ZNF207: variants seen among roughly 807,000 people sequenced by gnomAD.
The protein encoded by ZNF207 is BUB3-interacting and GLEBS motif-containing protein ZNF207.
ZNF207 carries 24 observed loss-of-function variants against 60.2 expected under a neutral mutation model. The observed-to-expected ratio is 0.40, with a 90% CI of 0.29 to 0.56. ZNF207 has a LOEUF of 0.56. Ranked by LOEUF, ZNF207 falls within the 20% of genes least tolerant of loss-of-function variation. The pLI is 0.49. For synonymous variants in ZNF207, 236 were observed against 194.7 expected (o/e 1.21, Z -1.77); for missense variants, 452 against 636.6 (o/e 0.71, Z 3.12).
intron 1 of ZNF207, chr17:32,351,460 C>T: frequency 7.1e-7 from 1 of 1,401,364 alleles, no homozygotes; most frequent in Non-Finnish European, 9.3e-7. Context: ...CTTTCCTGTC[C>T]TCAGTGTGCA....
At position 32,375,264 on chromosome 17, in the gene ZNF207, T is replaced by C. The variant is rs2047509470; in HGVS notation, c.*5505T>C. On this transcript the variant is annotated 3_prime_UTR_variant, in exon 12 of 12. Coordinates refer to ENST00000394670, the MANE Select transcript of ZNF207 (RefSeq NM_001098507.2). ...GTTGCTTCCATGACAAAATATCCCA[T>C]TGGACTATTTTATAACCTCAGTAAT... 6.6e-6 allele frequency: 1 copy of C among 152,324 alleles called. No homozygotes were observed. The highest frequency in any genetic ancestry group is 6.5e-5 in the Admixed American group (1 of 15,306). The allele number at this position is 152,324 out of a possible 1,614,324, so 9.4% of individuals were successfully genotyped here.
chr17:32,367,242 TA>T (rs1905212595), intron 9 of ZNF207, among the ~76,000 whole-genome samples: 7 of 43,870 alleles, frequency 1.6e-4, no homozygotes, highest in Middle Eastern at 9.8e-3. Flanking sequence ...GAGGGGATTA[TA>T]TATATATATA....
At chr17:32,353,629 A>G (rs1386025288) in intron 2 of ZNF207, among the ~76,000 whole-genome samples, 1 of 137,394 alleles carries the variant, frequency 7.3e-6, no homozygotes, top group Non-Finnish European at 1.5e-5. Context: ...AAATACCAAA[A>G]ATTAGCTGGG....
chr17:32,365,222 G>T, intron 7 of ZNF207, 108 bp from the exon 8 acceptor site: 7 of 1,221,048 alleles, frequency 5.7e-6, no homozygotes, highest in Non-Finnish European at 7.9e-6. Context: ...CTTGGATTTA[G>T]TCGAGTCATT....
intron 9 of ZNF207, 100 bp downstream of exon 9, chr17:32,366,857 G>T: frequency 9.0e-7 from 1 of 1,115,632 alleles, no homozygotes; most frequent in African/African-American, 1.6e-5. Context: ...AATATACTGT[G>T]TTTACTTTTT....
chr17:32,366,675 C>G lies in ZNF207; in HGVS notation c.839C>G (p.Pro280Arg). 6.2e-7 allele frequency: 1 copy of G among 1,607,734 alleles called. No homozygotes were observed. The highest frequency in any genetic ancestry group is 8.5e-7 in the Non-Finnish European group (1 of 1,178,022). ...TCTTTTATGCTACAGATGGGGACAC[C>G]TGTCACAAGCTCAAGTACAGCTTCA... is the stretch of plus-strand genomic sequence containing the variant. ...LFPSAGQMGT[P>R]VTSSSTASSN... The change falls in exon 9 of 12, where the codon CCT becomes CGT. Residue 280 changes from proline to arginine, a missense_variant. By Grantham distance (103) the Pro-to-Arg change is moderately radical (BLOSUM62 -2). Transcript: ENST00000394670.
chr17:32,351,386 T>A, intron 1 of ZNF207: 1 of 1,112,270 alleles, frequency 9.0e-7, no homozygotes, highest in South Asian at 1.8e-5. Context: ...CAGTTATTGC[T>A]ATCGTCTTCA....
chr17:32,369,153 G>A (rs1905344904), intron 10 of ZNF207, 142 bp from the exon 11 acceptor site: 1 of 854,222 alleles, frequency 1.2e-6, no homozygotes, highest in Non-Finnish European at 1.8e-6. Flanking sequence ...GGATTGGTTT[G>A]TCTGGCAAAA....
In ZNF207 at chr17:32,351,925, C is replaced by T. The variant is rs767567247; in HGVS notation, c.168+13C>T. ...TCATTGCATGCAGGTAAGGATTTTT[C>T]TTCTGTATTTATTGTCCGCTTGTGA... On this transcript the variant is annotated intron_variant, in intron 2 of 11. Transcript: ENST00000394670. 14 of 1,527,376 alleles carry T rather than the reference C, an allele frequency of 9.2e-6. No homozygotes were observed. Among genetic ancestry groups the T allele is most frequent in the African/African-American group, 4.2e-5 (3 of 71,508 alleles). 94.6% of individuals were successfully genotyped at this position (1,527,376 alleles called of 1,614,324 possible). A position where few individuals can be genotyped will look rare whatever the true frequency, so the allele number is the denominator to read the frequency against.
chr17:32,357,789 C>T (rs1461339976), intron 2 of ZNF207, among the ~76,000 whole-genome samples: 1 of 151,996 alleles, frequency 6.6e-6, no homozygotes, highest in Non-Finnish European at 1.5e-5. Flanking sequence ...GTGTGCACCA[C>T]CACGCCCTGC....
intron 7 of ZNF207, among the ~76,000 whole-genome samples, chr17:32,364,235 G>A (rs1347314954): frequency 6.6e-6 from 1 of 151,916 alleles, no homozygotes; most frequent in Non-Finnish European, 1.5e-5. Flanking sequence ...TACGTATTAT[G>A]CTGTGAGGGA....
At chr17:32,364,074 TCGTG>T (rs1905038726) in intron 7 of ZNF207, among the ~76,000 whole-genome samples, 1 of 151,556 alleles carries the variant, frequency 6.6e-6, no homozygotes. Context: ...GGTCTGATAC[TCGTG>T]CTGATGTGCC....
chr17:32,357,351 A>ATTATTTTTT (rs1363194053), intron 2 of ZNF207, among the ~76,000 whole-genome samples: 14 of 73,998 alleles, frequency 1.9e-4, no homozygotes, highest in African/African-American at 7.9e-4. Flanking sequence ...TATTATTATT[A>ATTATTTTTT]TTTTTTTTTT....
At chr17:32,363,278 G>A (rs921162327) in intron 7 of ZNF207, among the ~76,000 whole-genome samples, 2 of 151,896 alleles carry the variant, frequency 1.3e-5, no homozygotes, top group Non-Finnish European at 2.9e-5. Context: ...AGTAGAGACG[G>A]GGTTTTACCA....
intron 3 of ZNF207, among the ~76,000 whole-genome samples, chr17:32,360,189 A>C (rs1334419370): frequency 3.8e-5 from 5 of 133,012 alleles, no homozygotes; most frequent in African/African-American, 8.7e-5. Flanking sequence ...CCCCCCCCAA[A>C]AAAAAAAAAA....
intron 1 of ZNF207, 112 bp from the exon 2 acceptor site, chr17:32,351,674 A>G (rs1217054585): frequency 1.9e-6 from 3 of 1,600,828 alleles, no homozygotes; most frequent in East Asian, 2.2e-5. Flanking sequence ...CAGAGTTTCT[A>G]TACAGTACCA....
At chr17:32,368,584 G>A (rs1033050726) in intron 10 of ZNF207, among the ~76,000 whole-genome samples, 1 of 151,502 alleles carries the variant, frequency 6.6e-6, no homozygotes, top group Non-Finnish European at 1.5e-5. Flanking sequence ...CCAGCTACTC[G>A]GGAGGCTGAG....
At chr17:32,367,669 T>C in intron 9 of ZNF207, 103 bp from the exon 10 acceptor site, 1 of 1,417,630 alleles carries the variant, frequency 7.1e-7, no homozygotes, top group Non-Finnish European at 9.6e-7. Context: ...ATTTAAAGTT[T>C]GGTCCTTTAT....
In ZNF207 at chr17:32,365,409, T is replaced by C. The variant is rs1905113691; in HGVS notation, c.750T>C (p.Asn250=). 1.9e-6 allele frequency: 3 copies of C among 1,614,016 alleles called. No homozygotes were observed. The African/African-American group carries it at 4.0e-5, about 22-fold the overall frequency. The part of the protein sequence containing the change: ...AQAVSAPGIL[N]RPPAPTATVP... ...CTGTTTCAGCGCCAGGTATTCTTAATAGACCACCTGCACCAACAGCAACTG... is the reference window on the plus strand; with the variant it reads ...CTGTTTCAGCGCCAGGTATTCTTAACAGACCACCTGCACCAACAGCAACTG... The change falls in exon 8 of 12, where the codon AAT becomes AAC. Residue 250 remains asparagine, a synonymous_variant. Coordinates refer to ENST00000394670, the MANE Select transcript of ZNF207 (RefSeq NM_001098507.2).
Sources: gnomAD v4.1 joint callset for allele counts (sites outside exome capture counted in the v4.1 genomes callset) on GRCh38, gnomAD v4.1.1 for gene constraint, MANE v1.5 for transcripts, NCBI Gene and HGNC (gene_info 2026-07-23, HGNC 2026-07-21) for gene names.